Variants in UNC13A observed in about 807,000 individuals in gnomAD.
UNC13A encodes protein unc-13 homolog A.
In UNC13A, 61 loss-of-function variants were observed where a neutral mutation model predicts 219.7. The ratio of observed to expected loss-of-function variants is 0.28; its 90% CI spans 0.23 to 0.34. The LOEUF is 0.34. Ranked by LOEUF, UNC13A falls within the 10% of genes least tolerant of loss-of-function variation. The pLI is 1.00. For missense variants in UNC13A, 1,476 were observed against 2,270.3 expected, an observed-to-expected ratio of 0.65 and a Z score of 7.11; for synonymous variants, 920 against 884.6, an observed-to-expected ratio of 1.04 and a Z score of -0.71.
In UNC13A at chr19:17,604,127, C is replaced by A. The variant is rs1342534016; in HGVS notation, c.*1927G>T. 1.3e-5 allele frequency: 2 copies of A among 152,158 alleles called. No homozygotes were observed. Among genetic ancestry groups the A allele is most frequent in the African/African-American group, 2.4e-5 (1 of 41,406 alleles). The allele number at this position is 152,158 out of a possible 1,614,324, so 9.4% of individuals were successfully genotyped here. On this transcript the variant is annotated 3_prime_UTR_variant, in exon 44 of 44. Transcript: ENST00000519716. ...AGCTATAGGTGTCTTTTCAACACAGCCTTCAGAATCTTTCCAAGAATCCAT... is the reference window on the plus strand; with the variant it reads ...AGCTATAGGTGTCTTTTCAACACAGACTTCAGAATCTTTCCAAGAATCCAT...
chr19:17,632,718 G>A, intron 28 of UNC13A, 64 bp downstream of exon 28: 1 of 1,610,062 alleles, frequency 6.2e-7, no homozygotes, highest in Non-Finnish European at 8.5e-7. Context: ...TTCCTCTCTG[G>A]CTTTCCTTCT....
chr19:17,673,050 T>G (rs1367370105), intron 3 of UNC13A, among the ~76,000 whole-genome samples: 3 of 152,166 alleles, frequency 2.0e-5, no homozygotes, highest in African/African-American at 7.2e-5. Context: ...CAAAGATTTA[T>G]CTTAAGAAAT....
chr19:17,637,608 A>C (rs1463296667), intron 25 of UNC13A, among the ~76,000 whole-genome samples: 1 of 152,176 alleles, frequency 6.6e-6, no homozygotes, highest in Non-Finnish European at 1.5e-5. Context: ...GTCAAGAACA[A>C]TTTTAACTTA....
At chr19:17,645,122 C>A (rs1405491302) in intron 19 of UNC13A, among the ~76,000 whole-genome samples, 1 of 150,578 alleles carries the variant, frequency 6.6e-6, no homozygotes, top group African/African-American at 2.5e-5. Context: ...GATTCTCCTG[C>A]CTCAGCCTCC....
chr19:17,605,951 C>A lies in UNC13A; in HGVS notation c.*103G>T. The A allele has an allele frequency of 8.7e-7, 1 of 1,149,880 alleles. No homozygotes were observed. Among genetic ancestry groups the A allele is most frequent in the Non-Finnish European group, 1.1e-6 (1 of 878,122 alleles). The allele number at this position is 1,149,880 out of a possible 1,614,324, so 71.2% of individuals were successfully genotyped here. ...GCAGCCCACCCTTGGCGTGGAGCCC[C>A]CCGAGCCCCGCCCCTGGGGAGGTCC... On this transcript the variant is annotated 3_prime_UTR_variant, in exon 44 of 44. Transcript: ENST00000519716.
At chr19:17,608,555 T>C (rs997631364) in intron 43 of UNC13A, among the ~76,000 whole-genome samples, 3 of 149,466 alleles carry the variant, frequency 2.0e-5, no homozygotes, top group Admixed American at 6.8e-5. Flanking sequence ...TCTTGCTCTG[T>C]TGCCCAGGCT....
chr19:17,632,966 CAG>C, intron 27 of UNC13A, 58 bp from the exon 28 acceptor site: 2 of 1,611,934 alleles, frequency 1.2e-6, no homozygotes, highest in South Asian at 2.2e-5. Flanking sequence ...TCTGTCTCGG[CAG>C]AGAGGCTGCC....
chr19:17,628,261 C>T (rs546666945), intron 31 of UNC13A: 6 of 392,390 alleles, frequency 1.5e-5, no homozygotes, highest in Admixed American at 1.2e-4. Context: ...CTTTGCAGCT[C>T]ACACCCTGAA....
intron 1 of UNC13A, among the ~76,000 whole-genome samples, chr19:17,681,353 G>A (rs140264175): frequency 1.4e-3 from 217 of 152,194 alleles, no homozygotes; most frequent in Non-Finnish European, 2.5e-3. Context: ...AAGGGAGGAA[G>A]CATAGAGAAT....
At chr19:17,683,368 G>A (rs1003614465) in intron 1 of UNC13A, among the ~76,000 whole-genome samples, 3 of 151,970 alleles carry the variant, frequency 2.0e-5, no homozygotes, top group South Asian at 2.1e-4. Context: ...ACGGTGGCTC[G>A]AGCCTGTAAT....
rs74341923 is a variant in UNC13A at position 17,672,520 on chromosome 19, C to T, written c.153-25G>A. The stretch of plus-strand genomic sequence containing the variant: ...GCTGCAGAAAAAGGAGAGGGGGCGT[C>T]GAGGGAGCAGGAGGGAGGAAACGGG... On this transcript the variant is annotated intron_variant, in intron 3 of 43. Coordinates refer to ENST00000519716, the MANE Select transcript of UNC13A (RefSeq NM_001080421.3). 3.6e-4 allele frequency: 578 copies of T among 1,603,020 alleles called. 3 individuals are homozygous for T. The African/African-American group carries it at 5.7e-3, about 16-fold the overall frequency.
At chr19:17,675,918 C>T (rs1484060081) in intron 2 of UNC13A, 94 bp downstream of exon 2, 1 of 1,466,076 alleles carries the variant, frequency 6.8e-7, no homozygotes, top group East Asian at 2.5e-5. Context: ...TAAAGCCCAA[C>T]TCTAAGTCTG....
chr19:17,628,841 G>A (rs528920854), intron 31 of UNC13A, among the ~76,000 whole-genome samples: 3 of 151,378 alleles, frequency 2.0e-5, no homozygotes, highest in South Asian at 2.1e-4. Flanking sequence ...ACAACCAGAC[G>A]AAACACAATC....
intron 1 of UNC13A, among the ~76,000 whole-genome samples, chr19:17,680,102 G>A (rs1350974164): frequency 6.6e-6 from 1 of 150,962 alleles, no homozygotes; most frequent in Non-Finnish European, 1.5e-5. Context: ...TCTCAGGAGG[G>A]AAGGGTGTTC....
intron 43 of UNC13A, 99 bp from the exon 44 acceptor site, chr19:17,606,453 G>C: frequency 6.9e-7 from 1 of 1,447,206 alleles, no homozygotes; most frequent in South Asian, 1.3e-5. Flanking sequence ...GCCCACACCG[G>C]GGTGCCCACA....
chr19:17,662,896 G>A (rs2145883248), intron 8 of UNC13A, among the ~76,000 whole-genome samples: 1 of 151,168 alleles, frequency 6.6e-6, no homozygotes, highest in Middle Eastern at 3.4e-3. Flanking sequence ...CTCCAGCCTG[G>A]GTGATAGAGT....
At chr19:17,623,519 C>G (rs1365832128) in intron 36 of UNC13A, 23 bp downstream of exon 36, 4 of 1,518,300 alleles carry the variant, frequency 2.6e-6, no homozygotes, top group Non-Finnish European at 3.5e-6. Flanking sequence ...GACAGACAGA[C>G]GGACAGACGG....
rs766323874 is a variant in UNC13A, at chr19:17,627,379, G to C, written c.3920+130C>G. On this transcript the variant is annotated intron_variant, in intron 33 of 43. Transcript: ENST00000519716. This position sits in a 1 kb window ranked among gnomAD's most constrained non-coding sequence, Gnocchi z 4.7. The stretch of plus-strand genomic sequence containing the variant: ...CTAGTAAGCAGTAAAGCCAAGATTT[G>C]AACTCAGCCTTGTCTAACTCTGAGC... 4.2e-4 allele frequency: 294 copies of C among 703,110 alleles called. No individual in the cohort carries two copies. The highest frequency in any genetic ancestry group is 6.1e-4 in the Non-Finnish European group (258 of 420,092). 43.6% of individuals were successfully genotyped at this position (703,110 alleles called of 1,614,324 possible). A position where few individuals can be genotyped will look rare whatever the true frequency, so the allele number is the denominator to read the frequency against.
rs973125080 is a variant in UNC13A, at chr19:17,637,403, T to C, written c.3082-1246A>G. 7.9e-5 allele frequency among the ~76,000 whole-genome samples: 12 copies of C among 151,968 alleles called. No individual in the cohort carries two copies. The South Asian group carries it at 8.3e-4, about 11-fold the overall frequency. On this transcript the variant is annotated intron_variant, in intron 25 of 43. Transcript: ENST00000519716. ...AGCTCTGCCTCCCAGGTTCACACCA[T>C]TCTCCTGCCTCAGCCTCCCAAGTAT...
Sources: gnomAD v4.1 joint callset for allele counts (sites outside exome capture counted in the v4.1 genomes callset) on GRCh38, gnomAD v4.1.1 for gene constraint, Gnocchi (gnomAD v3.1) non-coding constraint, MANE v1.5 for transcripts, NCBI Gene and HGNC (gene_info 2026-07-23, HGNC 2026-07-21) for gene names.